Variants in C8orf34 observed in about 807,000 individuals in gnomAD.
The protein encoded by C8orf34 is uncharacterized protein C8orf34.
In C8orf34, 65 loss-of-function variants were observed where a neutral mutation model predicts 68.3. The ratio of observed to expected loss-of-function variants is 0.95; its 90% CI spans 0.78 to 1.17. The LOEUF (loss-of-function observed/expected upper bound fraction) is 1.17. C8orf34 is among the 50% of genes most tolerant of loss of function. The pLI is 0.00. For missense variants in C8orf34, 664 were observed against 655.4 expected, an observed-to-expected ratio of 1.01 and a Z score of -0.14; for synonymous variants, 244 against 241.2, an observed-to-expected ratio of 1.01 and a Z score of -0.11.
chr8:68,692,284 G>A (rs889112390), intron 8 of C8orf34, among the ~76,000 whole-genome samples: 5 of 151,994 alleles, frequency 3.3e-5, no homozygotes, highest in African/African-American at 4.8e-5. Flanking sequence ...TGACTGCTGA[G>A]TACAAAAATC....
At chr8:68,419,983 AAAAAAAAAAAGAAAAAAGAC>A (rs1346373960) in intron 1 of C8orf34, among the ~76,000 whole-genome samples, 1 of 143,830 alleles carries the variant, frequency 7.0e-6, no homozygotes, top group African/African-American at 2.7e-5. Flanking sequence ...TATAATAATA[AAAAAAAAAAAGAAAAAAGAC>A]AAAAAAAAAA....
intron 10 of C8orf34, among the ~76,000 whole-genome samples, chr8:68,762,199 GA>G (rs1457947375): frequency 1.3e-5 from 2 of 152,164 alleles, no homozygotes; most frequent in African/African-American, 4.8e-5. Flanking sequence ...TGTCATCTCG[GA>G]GCTTCAAAGA....
chr8:68,356,517 T>C (rs1806754487), intron 1 of C8orf34, among the ~76,000 whole-genome samples: 1 of 152,176 alleles, frequency 6.6e-6, no homozygotes, highest in Admixed American at 6.6e-5. Context: ...TACTCATCAA[T>C]ACATTTCATC....
intron 1 of C8orf34, among the ~76,000 whole-genome samples, chr8:68,349,455 G>T (rs1230615873): frequency 6.6e-6 from 1 of 151,784 alleles, no homozygotes; most frequent in African/African-American, 2.4e-5. Context: ...TTGTGTCTTT[G>T]CCAGGTTTTA....
chr8:68,527,147 T>A (rs1815032918), intron 6 of C8orf34, among the ~76,000 whole-genome samples: 1 of 152,202 alleles, frequency 6.6e-6, no homozygotes, highest in Non-Finnish European at 1.5e-5. Context: ...ATATTATGGC[T>A]CAAGAGGAGG....
intron 12 of C8orf34, among the ~76,000 whole-genome samples, chr8:68,799,213 T>A (rs1383388870): frequency 3.3e-5 from 5 of 152,232 alleles, no homozygotes; most frequent in African/African-American, 1.2e-4. Context: ...AATTATTTTA[T>A]TAAACACTTT....
intron 8 of C8orf34, among the ~76,000 whole-genome samples, chr8:68,650,025 A>G (rs1819298019): frequency 6.7e-6 from 1 of 150,090 alleles, no homozygotes; most frequent in African/African-American, 2.5e-5. Context: ...TCAAATATAC[A>G]TTTAAATTCA....
chr8:68,721,972 CT>C (rs1821690026), intron 10 of C8orf34, among the ~76,000 whole-genome samples: 2 of 151,838 alleles, frequency 1.3e-5, no homozygotes, highest in African/African-American at 4.8e-5. Flanking sequence ...ATAAAAATAG[CT>C]AATGCAATCG....
At chr8:68,796,828 T>C (rs1316651102) in intron 12 of C8orf34, among the ~76,000 whole-genome samples, 2 of 147,112 alleles carry the variant, frequency 1.4e-5, no homozygotes. Context: ...TCTTCTTTTT[T>C]TTTTTTTTTT....
intron 7 of C8orf34, among the ~76,000 whole-genome samples, chr8:68,595,292 A>T (rs930274882): frequency 1.3e-5 from 2 of 151,974 alleles, no homozygotes; most frequent in East Asian, 3.9e-4. Context: ...TTGTCAATTG[A>T]TCTTTGATAC....
intron 7 of C8orf34, among the ~76,000 whole-genome samples, chr8:68,571,067 T>A (rs764313034): frequency 3.3e-5 from 5 of 152,140 alleles, no homozygotes; most frequent in Non-Finnish European, 7.4e-5. Flanking sequence ...ATGGCACTAT[T>A]CCTCCGTGGA....
chr8:68,692,861 G>A (rs1360296046), intron 8 of C8orf34, among the ~76,000 whole-genome samples: 2 of 151,980 alleles, frequency 1.3e-5, no homozygotes, highest in Non-Finnish European at 2.9e-5. Context: ...GCATATTCTG[G>A]TCCCCTACAG....
At chr8:68,616,905 A>C (rs1483040136) in intron 7 of C8orf34, among the ~76,000 whole-genome samples, 1 of 152,094 alleles carries the variant, frequency 6.6e-6, no homozygotes, top group African/African-American at 2.4e-5. Context: ...GTCTCCCATT[A>C]TTATTGTGTG....
At chr8:68,671,532 CG>C (rs2130842482) in intron 8 of C8orf34, among the ~76,000 whole-genome samples, 1 of 152,194 alleles carries the variant, frequency 6.6e-6, no homozygotes, top group Non-Finnish European at 1.5e-5. Context: ...AGAAGTAGAG[CG>C]ACATTTTAGA....
At chr8:68,756,459 G>A (rs954089009) in intron 10 of C8orf34, among the ~76,000 whole-genome samples, 1 of 152,100 alleles carries the variant, frequency 6.6e-6, no homozygotes, top group African/African-American at 2.4e-5. Flanking sequence ...CCTCTGCTGG[G>A]CATTCTGTTG....
intron 10 of C8orf34, among the ~76,000 whole-genome samples, chr8:68,761,501 C>A (rs112440317): frequency 2.0e-5 from 3 of 152,260 alleles, no homozygotes; most frequent in East Asian, 1.9e-4. Context: ...AACAAAAAAC[C>A]GTCTAATTTC....
intron 7 of C8orf34, among the ~76,000 whole-genome samples, chr8:68,566,351 C>T (rs1386065952): frequency 3.9e-5 from 6 of 152,062 alleles, no homozygotes; most frequent in South Asian, 4.1e-4. Context: ...TCTGTTGTTC[C>T]GTTCTTTGTG....
intron 4 of C8orf34, 93 bp from the exon 5 acceptor site, chr8:68,487,930 C>A (rs1020051525): frequency 9.1e-6 from 7 of 767,992 alleles, no homozygotes; most frequent in Non-Finnish European, 1.5e-5. Flanking sequence ...ATAGGAAATG[C>A]ACTACTTTTA....
intron 1 of C8orf34, among the ~76,000 whole-genome samples, chr8:68,372,742 C>G (rs1393701691): frequency 6.6e-6 from 1 of 152,152 alleles, no homozygotes; most frequent in Admixed American, 6.5e-5. Context: ...CTAATGCTGT[C>G]CCTCCCCTAG....
Sources: gnomAD v4.1 joint callset for allele counts (sites outside exome capture counted in the v4.1 genomes callset) on GRCh38, gnomAD v4.1.1 for gene constraint, MANE v1.5 for transcripts, NCBI Gene and HGNC (gene_info 2026-07-23, HGNC 2026-07-21) for gene names.